The following SCN2B variants were observed in gnomAD, a reference collection of about 807,000 sequenced individuals.
SCN2B encodes the protein sodium channel regulatory subunit beta-2.
SCN2B carries 14 observed loss-of-function variants against 18.2 expected under a neutral mutation model. The ratio of observed to expected loss-of-function variants is 0.77; its 90% CI spans 0.51 to 1.21. The LOEUF is 1.21. Ranked by LOEUF, SCN2B falls within the 50% of genes most tolerant of loss-of-function variation. The probability of loss-of-function intolerance (pLI) is 0.00; values close to 1 mark genes in which losing one functional copy is unlikely to be tolerated. For missense variants in SCN2B, 262 were observed against 286.9 expected, an observed-to-expected ratio of 0.91 and a Z score of 0.63; for synonymous variants, 115 against 115.3, an observed-to-expected ratio of 1.00 and a Z score of 0.02.
rs1948347873 is a variant in SCN2B at position 118,163,285 on chromosome 11, A to T, written c.*3602T>A. 1 of 152,452 alleles carries T rather than the reference A, an allele frequency of 6.6e-6. No homozygotes were observed. Among genetic ancestry groups the T allele is most frequent in the African/African-American group, 2.4e-5 (1 of 41,446 alleles). The allele number at this position is 152,452 out of a possible 1,614,324, so 9.4% of individuals were successfully genotyped here. Reference sequence around the variant, plus strand: ...CTTTAAGACATAAGTAGGAAGGAAGATTTCTTGCTTCATCACCCGTTAACT... The same window carrying T: ...CTTTAAGACATAAGTAGGAAGGAAGTTTTCTTGCTTCATCACCCGTTAACT... On this transcript the variant is annotated 3_prime_UTR_variant, in exon 4 of 4. Coordinates refer to ENST00000278947, the MANE Select transcript of SCN2B (RefSeq NM_004588.5).
intron 1 of SCN2B, among the ~76,000 whole-genome samples, chr11:118,171,098 C>T (rs1042134803): frequency 6.6e-6 from 1 of 152,172 alleles, no homozygotes; most frequent in Non-Finnish European, 1.5e-5. Context: ...ACTTAAGAAC[C>T]AGAGATTCTC....
chr11:118,174,397 G>A (rs1038324939), intron 1 of SCN2B, among the ~76,000 whole-genome samples: 3 of 152,080 alleles, frequency 2.0e-5, no homozygotes, highest in Non-Finnish European at 4.4e-5. Context: ...CGTGGGTAGA[G>A]CTGGTTGCCC....
rs971644599 is a variant in SCN2B, at chr11:118,166,751, G to A, written c.*136C>T. On this transcript the variant is annotated 3_prime_UTR_variant, in exon 4 of 4. Coordinates refer to ENST00000278947, the MANE Select transcript of SCN2B (RefSeq NM_004588.5). ...GGTGCAGGGTGGGAGATACGAAGTCGGGGGTTCAGGAGGCCCCAGGTGGGC... is the reference window on the plus strand; with the variant it reads ...GGTGCAGGGTGGGAGATACGAAGTCAGGGGTTCAGGAGGCCCCAGGTGGGC... 66 of 947,648 alleles carry A rather than the reference G, an allele frequency of 7.0e-5. No homozygotes were observed. The highest frequency in any genetic ancestry group is 2.9e-4 in the African/African-American group (18 of 62,060). 58.7% of individuals were successfully genotyped at this position (947,648 alleles called of 1,614,324 possible).
In SCN2B at chr11:118,168,252, C is replaced by T. The variant is rs774866184; in HGVS notation, c.281G>A (p.Arg94Gln). The change falls in exon 3 of 4, where the codon CGG becomes CAG. Residue 94 changes from arginine (R) to glutamine (Q), a missense_variant. Transcript: ENST00000278947. The surrounding 1 kb of genome is among the most constrained non-coding windows in gnomAD (Gnocchi z 4.7). ...RMKIINLKLE[R>Q]FQDRVEFSGN... is the part of the protein sequence containing the mutation. ...TGAGAACTCCACGCGGTCTTGAAAC[C>T]GCTCCAGCTTCAGGTTAATGATCTT... The T allele has an allele frequency of 2.4e-5, 38 of 1,614,074 alleles. No individual in the cohort carries two copies. The highest frequency in any genetic ancestry group is 2.0e-4 in the Admixed American group (12 of 60,014).
Position 118,171,873 on chromosome 11 carries a change from G to C in SCN2B, c.71-3122C>G, listed in dbSNP as rs532010073. On this transcript the variant is annotated intron_variant, in intron 1 of 3. Transcript: ENST00000278947. ...AGCATGGGATCCGGAGCCACAGCTG[G>C]AGCTGAGATCAGAAACCGTAGATCT... Among the ~76,000 whole-genome samples, 13 of 152,358 alleles carry C rather than the reference G, an allele frequency of 8.5e-5. No individual in the cohort carries two copies. In the South Asian group the frequency reaches 2.3e-3, roughly 27 times the overall value.
Position 118,168,887 on chromosome 11 carries a change from G to GTTATT in SCN2B, c.71-137_71-136insAATAA. On this transcript the variant is annotated intron_variant, in intron 1 of 3. Transcript: ENST00000278947. This position sits in a 1 kb window ranked among gnomAD's most constrained non-coding sequence, Gnocchi z 4.7. ...GGGGACTGGGTCCCTGACAGCTCCA[G>GTTATT]TTAATCAGGAGGTGGGAGTTACTGT... 1.1e-6 allele frequency: 1 copy of GTTATT among 915,440 alleles called. No homozygotes were observed. The highest frequency in any genetic ancestry group is 1.8e-6 in the Non-Finnish European group (1 of 559,568). 56.7% of individuals were successfully genotyped at this position (915,440 alleles called of 1,614,324 possible). A position where few individuals can be genotyped will look rare whatever the true frequency, so the allele number is the denominator to read the frequency against.
At chr11:118,174,599 G>A (rs1285624222) in intron 1 of SCN2B, among the ~76,000 whole-genome samples, 1 of 152,100 alleles carries the variant, frequency 6.6e-6, no homozygotes, top group Non-Finnish European at 1.5e-5. Context: ...CACCAATCAA[G>A]TTCAAGTTCA....
rs577611841 is a variant in SCN2B at position 118,175,854 on chromosome 11, C to T, written c.70+508G>A. On this transcript the variant is annotated intron_variant, in intron 1 of 3. Transcript: ENST00000278947. The stretch of plus-strand genomic sequence containing the variant: ...CCCGCTTCCCACCTACTCCCACACA[C>T]GTTCCAACAGATCAGTGAGACCGAG... Among the ~76,000 whole-genome samples, 3 of 152,294 alleles carry T rather than the reference C, an allele frequency of 2.0e-5. No individual in the cohort carries two copies. In the East Asian group the frequency reaches 5.8e-4, roughly 29 times the overall value.
chr11:118,171,588 C>T (rs141750111), intron 1 of SCN2B, among the ~76,000 whole-genome samples: 23 of 152,378 alleles, frequency 1.5e-4, no homozygotes, highest in South Asian at 2.1e-4. Context: ...CTCTGCCCCC[C>T]ACCAAGCCCA....
At position 118,166,565 on chromosome 11, in the gene SCN2B, C is replaced by T. The variant is rs940951142; in HGVS notation, c.*322G>A. The T allele has an allele frequency of 1.8e-4, 78 of 427,170 alleles. No homozygotes were observed. The highest frequency in any genetic ancestry group is 1.5e-3 in the African/African-American group (75 of 49,734). 26.5% of individuals were successfully genotyped at this position (427,170 alleles called of 1,614,324 possible). A position where few individuals can be genotyped will look rare whatever the true frequency, so the allele number is the denominator to read the frequency against. On this transcript the variant is annotated 3_prime_UTR_variant, in exon 4 of 4. Transcript: ENST00000278947. ...GGCAGGTGGACAGCGGCCCCCTCCT[C>T]TACCCCTGCCCACCCACTCCCTTCT...
intron 1 of SCN2B, among the ~76,000 whole-genome samples, chr11:118,173,401 C>A (rs1263819767): frequency 2.0e-5 from 3 of 152,228 alleles, no homozygotes; most frequent in Non-Finnish European, 4.4e-5. Flanking sequence ...AGGGCATTAG[C>A]CTCGGTGACT....
chr11:118,168,745 G>C lies in SCN2B; in HGVS notation c.77C>G (p.Pro26Arg). 6.2e-7 allele frequency: 1 copy of C among 1,614,162 alleles called. No homozygotes were observed. Among genetic ancestry groups the C allele is most frequent in the Non-Finnish European group, 8.5e-7 (1 of 1,180,022 alleles). Residue 26 changes from proline to arginine, a missense_variant, in exon 2 of 4, where the codon CCA (proline) becomes CGA (arginine). Coordinates refer to ENST00000278947, the MANE Select transcript of SCN2B (RefSeq NM_004588.5). This position sits in a 1 kb window ranked among gnomAD's most constrained non-coding sequence, Gnocchi z 4.7. Reference protein sequence around the residue: ...GLSLFFSLVPPGRSMEVTVPA... With the variant: ...GLSLFFSLVPRGRSMEVTVPA... ...TACTGTGACCTCCATGCTCCGTCCT[G>C]GTGGCACTGCAGATGAAGCCACAAG...
At chr11:118,171,160 T>A (rs976573992) in intron 1 of SCN2B, among the ~76,000 whole-genome samples, 2 of 152,006 alleles carry the variant, frequency 1.3e-5, no homozygotes, top group Admixed American at 1.3e-4. Flanking sequence ...CCTCATCTGT[T>A]CTCCAAGCTG....
chr11:118,172,727 G>T (rs1167334408), intron 1 of SCN2B, among the ~76,000 whole-genome samples: 1 of 152,148 alleles, frequency 6.6e-6, no homozygotes, highest in African/African-American at 2.4e-5. Context: ...AGGCACATCT[G>T]GGCCCTCAGG....
At chr11:118,170,985 C>T (rs571494239) in intron 1 of SCN2B, among the ~76,000 whole-genome samples, 2 of 151,954 alleles carry the variant, frequency 1.3e-5, no homozygotes, top group Non-Finnish European at 2.9e-5. Flanking sequence ...TTCACAAAGC[C>T]GTAGAAGCAG....
At position 118,164,426 on chromosome 11, in the gene SCN2B, A is replaced by C. The variant is rs1039408304; in HGVS notation, c.*2461T>G. The C allele has an allele frequency of 6.5e-6, 1 of 152,674 alleles. No homozygotes were observed. The highest frequency in any genetic ancestry group is 2.4e-5 in the African/African-American group (1 of 41,438). The allele number at this position is 152,674 out of a possible 1,614,324, so 9.5% of individuals were successfully genotyped here. A position where few individuals can be genotyped will look rare whatever the true frequency, so the allele number is the denominator to read the frequency against. On this transcript the variant is annotated 3_prime_UTR_variant, in exon 4 of 4. Coordinates refer to ENST00000278947, the MANE Select transcript of SCN2B (RefSeq NM_004588.5). ...CATCCTGGCGGCTTAGCCCACCCGC[A>C]TTGGCAGTGTGTTGATTGGCAGTTA... is the stretch of plus-strand genomic sequence containing the variant.
intron 1 of SCN2B, among the ~76,000 whole-genome samples, chr11:118,171,956 A>T (rs1948434419): frequency 6.6e-6 from 1 of 152,184 alleles, no homozygotes; most frequent in South Asian, 2.1e-4. Flanking sequence ...GAGAATAGGG[A>T]CAAGCTGAGG....
In SCN2B at chr11:118,166,935, C is replaced by T. The variant is rs902495105; in HGVS notation, c.600G>A (p.Glu200=). ...KLSTDDLKTE[E]EGKTDGEGNP... ...TGCCTTCACCGTCCGTCTTGCCCTCCTCCTCGGTCTTCAGGTCATCTGTGC... is the reference window on the plus strand; with the variant it reads ...TGCCTTCACCGTCCGTCTTGCCCTCTTCCTCGGTCTTCAGGTCATCTGTGC... Residue 200 remains glutamate, a synonymous_variant, in exon 4 of 4, where the codon GAG becomes GAA. Transcript: ENST00000278947. 1.2e-6 allele frequency: 2 copies of T among 1,614,190 alleles called. No homozygotes were observed. The highest frequency in any genetic ancestry group is 2.2e-5 in the East Asian group (1 of 44,886).
chr11:118,168,502 C>A lies in SCN2B; in HGVS notation c.237+83G>T. On this transcript the variant is annotated intron_variant, in intron 2 of 3. Coordinates refer to ENST00000278947, the MANE Select transcript of SCN2B (RefSeq NM_004588.5). This position sits in a 1 kb window ranked among gnomAD's most constrained non-coding sequence, Gnocchi z 4.7. ...GGTCCTCTGGGGCCCTAGCGCAGTG[C>A]CGGGGCCGGTGGTGGGACCAGGGGC... 1 of 1,578,870 alleles carries A rather than the reference C, an allele frequency of 6.3e-7. No homozygotes were observed. Among genetic ancestry groups the A allele is most frequent in the Non-Finnish European group, 8.7e-7 (1 of 1,149,596 alleles).
Sources: gnomAD v4.1 joint callset for allele counts (sites outside exome capture counted in the v4.1 genomes callset) on GRCh38, gnomAD v4.1.1 for gene constraint, Gnocchi (gnomAD v3.1) non-coding constraint, MANE v1.5 for transcripts, NCBI Gene and HGNC (gene_info 2026-07-23, HGNC 2026-07-21) for gene names.